BLM: variants seen among roughly 807,000 people sequenced by gnomAD.
The protein encoded by BLM is BLM RecQ like helicase.
A neutral mutation model predicts 135.3 loss-of-function variants in BLM; 95 were observed. The ratio of observed to expected loss-of-function variants is 0.70; its 90% CI spans 0.59 to 0.83. The LOEUF is 0.83. Ranked by LOEUF, BLM falls within the 40% of genes least tolerant of loss-of-function variation. The pLI is 0.00. For synonymous variants in BLM, 520 were observed against 589.2 expected (o/e 0.88, Z 1.70); for missense variants, 1,518 against 1,663.9 (o/e 0.91, Z 1.53).
chr15:90,747,266 C>G (rs1181460749), intron 1 of BLM, 123 bp from the exon 2 acceptor site: 3 of 387,896 alleles, frequency 7.7e-6, no homozygotes, highest in African/African-American at 4.9e-5. Context: ...AAAAAAAAGT[C>G]CTATTACTCT....
chr15:90,782,234 A>G (rs1896632496), intron 12 of BLM, among the ~76,000 whole-genome samples: 2 of 152,148 alleles, frequency 1.3e-5, no homozygotes, highest in South Asian at 4.1e-4. Context: ...CTAAAAATAC[A>G]AAAATTAGCT....
chr15:90,722,199 T>A (rs990022892), intron 1 of BLM, among the ~76,000 whole-genome samples: 1 of 151,666 alleles, frequency 6.6e-6, no homozygotes, highest in Non-Finnish European at 1.5e-5. Flanking sequence ...AAGCTCCGCC[T>A]CCCAGCTTCA....
At chr15:90,735,269 A>ATATATATT (rs1895183334) in intron 1 of BLM, among the ~76,000 whole-genome samples, 1 of 136,848 alleles carries the variant, frequency 7.3e-6, no homozygotes, top group South Asian at 2.2e-4. Context: ...ATATATATAT[A>ATATATATT]TATTTAAGTT....
rs923143851 is a variant in BLM at position 90,734,675 on chromosome 15, G to A, written c.-4-12714G>A. On this transcript the variant is annotated intron_variant, in intron 1 of 21. Transcript: ENST00000355112. ...CATACACACACACGCGCGCACGCAC[G>A]CACACACACACACACACACGCAGAG... 4.4e-3 allele frequency among the ~76,000 whole-genome samples: 592 copies of A among 134,172 alleles called. 4 individuals carry two copies. Among genetic ancestry groups the A allele is most frequent in the Non-Finnish European group, 7.7e-3 (484 of 62,516 alleles). 88.0% of individuals were successfully genotyped at this position (134,172 alleles called of 152,430 possible). A position where few individuals can be genotyped will look rare whatever the true frequency, so the allele number is the denominator to read the frequency against.
intron 12 of BLM, among the ~76,000 whole-genome samples, chr15:90,771,581 T>A (rs571844075): frequency 1.5e-4 from 23 of 150,510 alleles, no homozygotes; most frequent in Non-Finnish European, 2.4e-4. Flanking sequence ...CTGTAAGTAC[T>A]ACATTGATCT....
chr15:90,775,800 G>A (rs897449539), intron 12 of BLM, among the ~76,000 whole-genome samples: 6 of 152,060 alleles, frequency 3.9e-5, no homozygotes, highest in African/African-American at 1.2e-4. Flanking sequence ...GAGCCACCAC[G>A]CCCGGCCATA....
In BLM at chr15:90,760,802, A is replaced by G; in HGVS notation, c.1429A>G (p.Thr477Ala). ...TTTACTGACTACCACCCTAGGAAAGACAGGATTCTCTGCCACCAGGAAGAA... is the reference window on the plus strand; with the variant it reads ...TTTACTGACTACCACCCTAGGAAAGGCAGGATTCTCTGCCACCAGGAAGAA... ...DCLLTTTLGK[T>A]GFSATRKNLF... Residue 477 changes from threonine (T) to alanine (A), a missense_variant, in exon 7 of 22, where the codon ACA becomes GCA. Around this residue, in one of 5 missense-constraint regions of BLM, gnomAD observed 724 missense variants for 756.9 expected, o/e 0.96. Coordinates refer to ENST00000355112, the MANE Select transcript of BLM (RefSeq NM_000057.4). 6.2e-7 allele frequency: 1 copy of G among 1,614,094 alleles called. No homozygotes were observed. The highest frequency in any genetic ancestry group is 8.5e-7 in the Non-Finnish European group (1 of 1,180,026).
At chr15:90,723,885 A>C (rs1006700152) in intron 1 of BLM, among the ~76,000 whole-genome samples, 5 of 152,152 alleles carry the variant, frequency 3.3e-5, no homozygotes. Flanking sequence ...ACCTCGTTGC[A>C]GTGGAATCAT....
At chr15:90,792,272 A>C (rs1023212923) in intron 15 of BLM, among the ~76,000 whole-genome samples, 2 of 151,286 alleles carry the variant, frequency 1.3e-5, no homozygotes, top group Non-Finnish European at 2.9e-5. Flanking sequence ...CACCCAGCTA[A>C]TTTTTGTATT....
At chr15:90,744,684 T>C (rs147642377) in intron 1 of BLM, among the ~76,000 whole-genome samples, 4 of 151,940 alleles carry the variant, frequency 2.6e-5, no homozygotes, top group Non-Finnish European at 5.9e-5. Flanking sequence ...TCAATACTTT[T>C]AAACTGGATT....
chr15:90,741,353 T>C (rs1394029832), intron 1 of BLM, among the ~76,000 whole-genome samples: 1 of 152,214 alleles, frequency 6.6e-6, no homozygotes, highest in Non-Finnish European at 1.5e-5. Context: ...TACACTGATA[T>C]ATTTGGGTGT....
chr15:90,726,728 C>T (rs2151129667), intron 1 of BLM, among the ~76,000 whole-genome samples: 1 of 152,304 alleles, frequency 6.6e-6, no homozygotes, highest in Admixed American at 6.5e-5. Flanking sequence ...AACACAATGT[C>T]CTCAGGTTCC....
intron 17 of BLM, among the ~76,000 whole-genome samples, chr15:90,798,910 G>A (rs1206141194): frequency 6.6e-6 from 1 of 152,034 alleles, no homozygotes; most frequent in Non-Finnish European, 1.5e-5. Context: ...TAGAACCCGG[G>A]AAGTGAAGAC....
chr15:90,736,506 G>A (rs1415643392), intron 1 of BLM, among the ~76,000 whole-genome samples: 2 of 152,118 alleles, frequency 1.3e-5, no homozygotes, highest in Admixed American at 1.3e-4. Flanking sequence ...AAGCAATCCT[G>A]TCTCTGCCTC....
intron 12 of BLM, among the ~76,000 whole-genome samples, chr15:90,774,811 A>C (rs1471253041): frequency 2.7e-4 from 40 of 150,232 alleles, no homozygotes; most frequent in African/African-American, 9.6e-4. Flanking sequence ...TCCAGCCAAA[A>C]AAAAAAAAAA....
At chr15:90,789,540 C>G (rs561030899) in intron 14 of BLM, among the ~76,000 whole-genome samples, 1 of 152,284 alleles carries the variant, frequency 6.6e-6, no homozygotes, top group East Asian at 1.9e-4. Context: ...TTTCTGTTTC[C>G]AAGGAGATTT....
chr15:90,760,896 C>CCCAGCA lies in BLM; in HGVS notation c.1523_1524insCCAGCA (p.Thr508_Pro509insGlnGln). 6.2e-7 allele frequency: 1 copy of CCCAGCA among 1,613,926 alleles called. No homozygotes were observed. On this transcript the variant is annotated inframe_insertion, in exon 7 of 22. Transcript: ENST00000355112. Reference sequence around the variant, plus strand: ...TTTGTAAGTAGCAACTGGGCTGAAACACCAAGACTAGGAAAAAAAAATGAA... The same window carrying CCCAGCA: ...TTTGTAAGTAGCAACTGGGCTGAAACCCAGCAACCAAGACTAGGAAAAAAAAATGAA...
At position 90,769,469 on chromosome 15, in the gene BLM, G is replaced by C. The variant is rs1274275865; in HGVS notation, c.2438G>C (p.Arg813Thr). The C allele has an allele frequency of 6.2e-7, 1 of 1,614,112 alleles. No individual in the cohort carries two copies. Among genetic ancestry groups the C allele is most frequent in the South Asian group, 1.1e-5 (1 of 91,084 alleles). ...WGHDFRQDYK[R>T]MNMLRQKFPS... ...CATGATTTTCGTCAAGATTACAAAA[G>C]AATGAATATGCTTCGCCAGAAGTTT... The change falls in exon 12 of 22, where the codon AGA (arginine) becomes ACA (threonine). Residue 813 changes from arginine to threonine, a missense_variant. Arg to Thr is a moderately conservative substitution (Grantham distance 71, BLOSUM62 -1). This residue lies in a region of BLM where 626 missense variants were observed against 681.1 expected (regional missense o/e 0.92). Coordinates refer to ENST00000355112, the MANE Select transcript of BLM (RefSeq NM_000057.4).
chr15:90,770,024 TC>T (rs1388892565), intron 12 of BLM, among the ~76,000 whole-genome samples: 1 of 152,102 alleles, frequency 6.6e-6, no homozygotes, highest in Non-Finnish European at 1.5e-5. Flanking sequence ...CCCCCTAAGG[TC>T]CCAGTTGAAT....
Sources: gnomAD v4.1 joint callset for allele counts (sites outside exome capture counted in the v4.1 genomes callset) on GRCh38, gnomAD v4.1.1 for gene constraint, gnomAD v4.1.1 regional missense constraint, MANE v1.5 for transcripts, NCBI Gene and HGNC (gene_info 2026-07-23, HGNC 2026-07-21) for gene names.